Variants in OTOF observed in about 807,000 individuals in gnomAD.
OTOF encodes the protein fer-1-like family member 2.
OTOF carries 218 observed loss-of-function variants against 236.8 expected under a neutral mutation model. The ratio of observed to expected loss-of-function variants is 0.92; its 90% CI spans 0.82 to 1.03. OTOF has a LOEUF of 1.03. OTOF is among the 50% of genes least tolerant of loss of function. The pLI is 0.00. For synonymous variants in OTOF, 1,041 were observed against 1,072.5 expected (o/e 0.97, Z 0.57); for missense variants, 2,590 against 2,694.4 (o/e 0.96, Z 0.86).
chr2:26,493,392 G>A (rs1170655954), intron 9 of OTOF, among the ~76,000 whole-genome samples: 1 of 152,190 alleles, frequency 6.6e-6, no homozygotes, highest in Non-Finnish European at 1.5e-5. Context: ...GGACTCAGCT[G>A]CCTTACTTGG....
chr2:26,518,947 G>T, intron 4 of OTOF, 63 bp downstream of exon 4: 1 of 1,166,876 alleles, frequency 8.6e-7, no homozygotes, highest in Non-Finnish European at 1.3e-6. Flanking sequence ...TGTGAGGCAG[G>T]GAGAACAGAC....
At chr2:26,540,348 G>T (rs1667182705) in intron 1 of OTOF, among the ~76,000 whole-genome samples, 1 of 152,238 alleles carries the variant, frequency 6.6e-6, no homozygotes, top group Non-Finnish European at 1.5e-5. Flanking sequence ...TGAAGCCCAT[G>T]GCATGGGTGG....
In OTOF at chr2:26,477,563, T is replaced by G. The variant is rs1213338617; in HGVS notation, c.2316-57A>C. 12 of 1,595,008 alleles carry G rather than the reference T, an allele frequency of 7.5e-6. No homozygotes were observed. Among genetic ancestry groups the G allele is most frequent in the Non-Finnish European group, 1.0e-5 (12 of 1,168,400 alleles). ...CCTGACCAGCAGGGGCTCTGTAGAT[T>G]CTTCCTCATCTGCCCAGCCCTGGCA... On this transcript the variant is annotated intron_variant, in intron 19 of 46. Coordinates refer to ENST00000272371, the MANE Select transcript of OTOF (RefSeq NM_194248.3). The surrounding 1 kb of genome is among the most constrained non-coding windows in gnomAD (Gnocchi z 4.7).
At chr2:26,552,119 G>C (rs888204494) in intron 1 of OTOF, among the ~76,000 whole-genome samples, 1 of 148,210 alleles carries the variant, frequency 6.7e-6, no homozygotes, top group South Asian at 2.1e-4. Flanking sequence ...GCCAGGCACA[G>C]TGGCTTACGC....
chr2:26,552,184 G>T (rs1232478731), intron 1 of OTOF, among the ~76,000 whole-genome samples: 3 of 151,864 alleles, frequency 2.0e-5, no homozygotes, highest in African/African-American at 7.3e-5. Flanking sequence ...GAGCCCGGGA[G>T]TTCAAGACCA....
intron 13 of OTOF, among the ~76,000 whole-genome samples, chr2:26,483,221 C>A (rs1425463782): frequency 2.7e-4 from 41 of 151,910 alleles, no homozygotes; most frequent in Admixed American, 2.0e-3. Context: ...GTGTGCGTGC[C>A]TGTGTGTGGA....
Position 26,467,296 on chromosome 2 carries a change from T to A in OTOF, c.4228-63A>T, listed in dbSNP as rs534201535. 26 of 1,613,636 alleles carry A rather than the reference T, an allele frequency of 1.6e-5. No individual in the cohort carries two copies. In the African/African-American group the frequency reaches 3.1e-4, roughly 19 times the overall value. ...TCTCTGGCTTTTGTCCTGCCCCACC[T>A]GCAGGATCACTGCGCCCCCCTCTTC... On this transcript the variant is annotated intron_variant, in intron 34 of 46. Transcript: ENST00000272371.
rs982643723 is a variant in OTOF, at chr2:26,460,165, T to G, written c.5854A>C (p.Lys1952Gln). ...TSFIWFLNPL[K>Q]SARYFLWHTY... ...TGCCACAAGAAGTAGCGAGCCGACTTGAGAGGGTTCAGGAACCAGATGAAG... is the reference window on the plus strand; with the variant it reads ...TGCCACAAGAAGTAGCGAGCCGACTGGAGAGGGTTCAGGAACCAGATGAAG... The change falls in exon 46 of 47, where the codon AAG (lysine) becomes CAG (glutamine). Residue 1952 changes from lysine to glutamine, a missense_variant. By Grantham distance (53) the Lys-to-Gln change is moderately conservative. Around this residue, in one of 2 missense-constraint regions of OTOF, gnomAD observed 1,211 missense variants for 1,352.8 expected, o/e 0.90. Coordinates refer to ENST00000272371, the MANE Select transcript of OTOF (RefSeq NM_194248.3). This position sits in a 1 kb window ranked among gnomAD's most constrained non-coding sequence, Gnocchi z 5.3. 2.5e-6 allele frequency: 4 copies of G among 1,605,022 alleles called. No individual in the cohort carries two copies. The African/African-American group carries it at 5.4e-5, about 21-fold the overall frequency.
intron 30 of OTOF, among the ~76,000 whole-genome samples, chr2:26,471,353 T>A (rs912816777): frequency 1.3e-5 from 2 of 152,230 alleles, no homozygotes; most frequent in African/African-American, 4.8e-5. Context: ...GATGTTTCTT[T>A]GGGTGGCCAA....
At chr2:26,518,186 C>T (rs891059738) in intron 4 of OTOF, among the ~76,000 whole-genome samples, 2 of 152,238 alleles carry the variant, frequency 1.3e-5, no homozygotes, top group African/African-American at 2.4e-5. Flanking sequence ...GGCACAGTCC[C>T]ATTTTATACA....
Position 26,473,409 on chromosome 2 carries a change from T to A in OTOF, c.3567A>T (p.Glu1189Asp). ...CTCCGCCAGGGCCTGCACTCACCAC[T>A]TCAAACCACTTGACGAGGGTGTTGA... ...PNFNTLVKWF[E>D]VDLPENELLH... The change falls in exon 28 of 47, where the codon GAA becomes GAT. Residue 1189 changes from glutamate (E) to aspartate (D), a missense_variant. Transcript: ENST00000272371. The surrounding 1 kb of genome is among the most constrained non-coding windows in gnomAD (Gnocchi z 7.2). The A allele has an allele frequency of 1.2e-6, 2 of 1,613,420 alleles. No individual in the cohort carries two copies. The highest frequency in any genetic ancestry group is 1.7e-6 in the Non-Finnish European group (2 of 1,179,996).
Position 26,477,711 on chromosome 2 carries a change from C to A in OTOF, c.2253G>T (p.Thr751=), listed in dbSNP as rs201888333. The part of the protein sequence containing the change: ...GLNDIQEMIK[T]EKSYPERRLR... ...GGCGACGCTCAGGGTAGGACTTCTC[C>A]GTTTTGATCATCTCCTGTATGTCGT... is the stretch of plus-strand genomic sequence containing the variant. Residue 751 remains threonine, a synonymous_variant, in exon 19 of 47, where the codon ACG becomes ACT. Coordinates refer to ENST00000272371, the MANE Select transcript of OTOF (RefSeq NM_194248.3). This position sits in a 1 kb window ranked among gnomAD's most constrained non-coding sequence, Gnocchi z 4.7. 6.2e-7 allele frequency: 1 copy of A among 1,612,586 alleles called. No individual in the cohort carries two copies. The highest frequency in any genetic ancestry group is 8.5e-7 in the Non-Finnish European group (1 of 1,179,974).
chr2:26,457,851 G>A lies in OTOF; in HGVS notation c.*387C>T, dbSNP rs972390564. 3.6e-5 allele frequency: 22 copies of A among 614,752 alleles called. No individual in the cohort carries two copies. The highest frequency in any genetic ancestry group is 5.7e-5 in the Non-Finnish European group (20 of 351,396). The allele number at this position is 614,752 out of a possible 1,614,324, so 38.1% of individuals were successfully genotyped here. ...GCCCACAGGCAGGGGTCAGAGGGGCGGGACTGGGCAAGCCGCAGCCTGGGG... is the reference window on the plus strand; with the variant it reads ...GCCCACAGGCAGGGGTCAGAGGGGCAGGACTGGGCAAGCCGCAGCCTGGGG... On this transcript the variant is annotated 3_prime_UTR_variant, in exon 47 of 47. Coordinates refer to ENST00000272371, the MANE Select transcript of OTOF (RefSeq NM_194248.3). This position sits in a 1 kb window ranked among gnomAD's most constrained non-coding sequence, Gnocchi z 4.4.
intron 2 of OTOF, among the ~76,000 whole-genome samples, chr2:26,531,391 G>GC (rs1363258205): frequency 6.6e-6 from 1 of 152,100 alleles, no homozygotes; most frequent in African/African-American, 2.4e-5. Context: ...TGTGAAAAGA[G>GC]GGGGGTGACA....
chr2:26,502,463 G>A, intron 6 of OTOF, 37 bp from the exon 7 acceptor site: 1 of 1,600,080 alleles, frequency 6.2e-7, no homozygotes, highest in South Asian at 1.1e-5. Flanking sequence ...TGGGCTGACT[G>A]ATGGTGAGAT....
chr2:26,478,228 A>C (rs1411403827), intron 18 of OTOF, among the ~76,000 whole-genome samples: 2 of 152,180 alleles, frequency 1.3e-5, no homozygotes, highest in African/African-American at 2.4e-5. Flanking sequence ...CACAGGAAAC[A>C]CAGGTCAGCT....
chr2:26,477,952 G>C lies in OTOF; in HGVS notation c.2215-203C>G. The C allele has an allele frequency of 2.5e-6, 1 of 404,696 alleles. No individual in the cohort carries two copies. Among genetic ancestry groups the C allele is most frequent in the Middle Eastern group, 7.2e-4 (1 of 1,396 alleles). 25.1% of individuals were successfully genotyped at this position (404,696 alleles called of 1,614,324 possible). On this transcript the variant is annotated intron_variant, in intron 18 of 46. Coordinates refer to ENST00000272371, the MANE Select transcript of OTOF (RefSeq NM_194248.3). This position sits in a 1 kb window ranked among gnomAD's most constrained non-coding sequence, Gnocchi z 4.7. ...AGAACCTGGAGATGTTGGTGTTCAT[G>C]GGGGTTCTTCAGTTCCTGAAGGAAG... is the stretch of plus-strand genomic sequence containing the variant.
At chr2:26,509,718 G>A (rs1666336343) in intron 5 of OTOF, among the ~76,000 whole-genome samples, 1 of 152,112 alleles carries the variant, frequency 6.6e-6, no homozygotes, top group African/African-American at 2.4e-5. Flanking sequence ...TGGGGCTCAG[G>A]TTGCTTATCT....
intron 32 of OTOF, among the ~76,000 whole-genome samples, chr2:26,469,550 C>T (rs907324650): frequency 6.6e-6 from 1 of 152,186 alleles, no homozygotes; most frequent in African/African-American, 2.4e-5. Context: ...CTGGATTGGG[C>T]CCTGAAAAAG....
Sources: allele counts gnomAD v4.1 joint callset (sites outside exome capture counted in the v4.1 genomes callset), GRCh38; gene constraint gnomAD v4.1.1; regional missense constraint gnomAD v4.1.1; non-coding constraint Gnocchi (gnomAD v3.1); transcripts MANE v1.5; gene names NCBI Gene and HGNC (gene_info 2026-07-23, HGNC 2026-07-21).